The following MACROD2 variants were observed in gnomAD, a reference collection of about 807,000 sequenced individuals.
The protein encoded by MACROD2 is ADP-ribose glycohydrolase MACROD2.
MACROD2 carries 36 observed loss-of-function variants against 70.4 expected under a neutral mutation model. That is an observed-to-expected ratio of 0.51 (90% confidence interval 0.39 to 0.68). The LOEUF is 0.68. Among genes scored for constraint, MACROD2 ranks in the 30% least tolerant of loss-of-function variants. The pLI is 0.00. For missense variants in MACROD2, 496 were observed against 538.4 expected, an observed-to-expected ratio of 0.92 and a Z score of 0.78; for synonymous variants, 172 against 178.8, an observed-to-expected ratio of 0.96 and a Z score of 0.30.
At chr20:15,971,822 A>G (rs1001995564) in intron 13 of MACROD2, among the ~76,000 whole-genome samples, 2 of 151,990 alleles carry the variant, frequency 1.3e-5, no homozygotes. Context: ...GCAGGGTAAA[A>G]TCTCAGAGTC....
chr20:14,847,645 A>AC (rs2073158127), intron 5 of MACROD2, among the ~76,000 whole-genome samples: 1 of 91,454 alleles, frequency 1.1e-5, no homozygotes, highest in Admixed American at 1.0e-4. Flanking sequence ...CCCCCCTTTT[A>AC]AAAAAAAATT....
intron 4 of MACROD2, among the ~76,000 whole-genome samples, chr20:14,522,112 TC>T (rs1248243196): frequency 1.3e-5 from 2 of 152,190 alleles, no homozygotes; most frequent in East Asian, 3.9e-4. Flanking sequence ...TCCGAGCAGC[TC>T]TTCTTCTGTC....
At chr20:15,072,779 A>G in intron 5 of MACROD2, among the ~76,000 whole-genome samples, 1 of 152,148 alleles carries the variant, frequency 6.6e-6, no homozygotes, top group African/African-American at 2.4e-5. Flanking sequence ...CCCTTTCCAC[A>G]TCTAAAAAAG....
At chr20:14,845,451 A>G (rs913208514) in intron 5 of MACROD2, among the ~76,000 whole-genome samples, 1 of 152,074 alleles carries the variant, frequency 6.6e-6, no homozygotes, top group East Asian at 1.9e-4. Flanking sequence ...TTTGAGGCAC[A>G]TGTTTATTCA....
chr20:15,266,930 G>A (rs548189289), intron 6 of MACROD2, among the ~76,000 whole-genome samples: 7 of 152,248 alleles, frequency 4.6e-5, no homozygotes, highest in Middle Eastern at 3.4e-3. Context: ...GCAGGGGCGC[G>A]GGGGGCATGA....
chr20:14,410,217 CTT>C (rs11469280), intron 3 of MACROD2, among the ~76,000 whole-genome samples: 59,732 of 134,626 alleles, frequency 0.44, 12,351 homozygotes, highest in African/African-American at 0.5. Flanking sequence ...GTTTGCATTT[CTT>C]TTTTTTTTTT....
intron 5 of MACROD2, among the ~76,000 whole-genome samples, chr20:14,994,631 G>A (rs1406112231): frequency 5.9e-5 from 9 of 152,062 alleles, no homozygotes. Context: ...TAGAAAAAAA[G>A]CAGAGTAGAG....
chr20:14,949,884 T>A (rs1202551887), intron 5 of MACROD2, among the ~76,000 whole-genome samples: 4 of 152,172 alleles, frequency 2.6e-5, no homozygotes, highest in Non-Finnish European at 4.4e-5. Flanking sequence ...TATTTCCACT[T>A]CATCTTTGTT....
intron 6 of MACROD2, among the ~76,000 whole-genome samples, chr20:15,419,999 T>C (rs916961267): frequency 1.3e-5 from 2 of 152,220 alleles, no homozygotes; most frequent in Non-Finnish European, 2.9e-5. Context: ...AAAGGGAGTT[T>C]ATAGATGTAA....
intron 5 of MACROD2, among the ~76,000 whole-genome samples, chr20:15,084,077 T>TGTTTTTTTG (rs2075727932): frequency 6.9e-6 from 1 of 145,790 alleles, no homozygotes; most frequent in Admixed American, 6.8e-5. Flanking sequence ...TTTTTGTTTT[T>TGTTTTTTTG]TTTTTTTAAT....
rs1979663792 is a variant in MACROD2 at position 14,564,754 on chromosome 20, G to A, written c.301+71246G>A. Reference sequence around the variant, plus strand: ...CACTGTCGGTGGGAAGGTAAATTGTGCAACCTCTTTAGAAAACTGTGGAGA... The same window carrying A: ...CACTGTCGGTGGGAAGGTAAATTGTACAACCTCTTTAGAAAACTGTGGAGA... On this transcript the variant is annotated intron_variant, in intron 4 of 17. Coordinates refer to ENST00000684519, the MANE Select transcript of MACROD2 (RefSeq NM_001351661.2). Among the ~76,000 whole-genome samples the A allele has an allele frequency of 2.6e-5, 4 of 151,794 alleles. No homozygotes were observed. In the South Asian group the frequency reaches 6.2e-4, roughly 24 times the overall value.
chr20:14,008,602 G>T (rs2263681), intron 2 of MACROD2, among the ~76,000 whole-genome samples: 37,126 of 152,032 alleles, frequency 0.24, 5,706 homozygotes, highest in African/African-American at 0.44. Flanking sequence ...ATTCTTCACA[G>T]AATTAGAAAA....
chr20:15,177,554 G>C (rs1320360633), intron 5 of MACROD2, among the ~76,000 whole-genome samples: 1 of 152,112 alleles, frequency 6.6e-6, no homozygotes, highest in East Asian at 1.9e-4. Flanking sequence ...ATTTTCAGTG[G>C]TATCCTGACA....
chr20:14,611,533 A>T (rs1007416216), intron 4 of MACROD2, among the ~76,000 whole-genome samples: 1 of 150,530 alleles, frequency 6.6e-6, no homozygotes, highest in Non-Finnish European at 1.5e-5. Flanking sequence ...TAAAATACAT[A>T]ATTCAAAACA....
chr20:14,592,168 A>T (rs1010782606), intron 4 of MACROD2, among the ~76,000 whole-genome samples: 1 of 152,228 alleles, frequency 6.6e-6, no homozygotes, highest in Non-Finnish European at 1.5e-5. Flanking sequence ...AAACTAAAAA[A>T]ATATATACAC....
At chr20:15,547,877 A>C (rs141270470) in intron 8 of MACROD2, among the ~76,000 whole-genome samples, 1 of 152,318 alleles carries the variant, frequency 6.6e-6, no homozygotes, top group African/African-American at 2.4e-5. Flanking sequence ...TCTTCATCTC[A>C]GAACAGCCTC....
intron 8 of MACROD2, among the ~76,000 whole-genome samples, chr20:15,745,310 A>C (rs1016900408): frequency 6.6e-6 from 1 of 152,166 alleles, no homozygotes; most frequent in Non-Finnish European, 1.5e-5. Flanking sequence ...AGACTTCTAC[A>C]TTTTGGCAAC....
At chr20:14,145,196 G>A (rs1219657791) in intron 3 of MACROD2, among the ~76,000 whole-genome samples, 1 of 152,114 alleles carries the variant, frequency 6.6e-6, no homozygotes, top group Admixed American at 6.5e-5. Flanking sequence ...TAAGACAAAG[G>A]TGAATAGATT....
intron 5 of MACROD2, among the ~76,000 whole-genome samples, chr20:15,050,344 T>C (rs2075429295): frequency 6.6e-6 from 1 of 152,200 alleles, no homozygotes; most frequent in African/African-American, 2.4e-5. Context: ...TAAAGAATTT[T>C]GAAAAGCACA....
Sources: gnomAD v4.1 joint callset for allele counts (sites outside exome capture counted in the v4.1 genomes callset) on GRCh38, gnomAD v4.1.1 for gene constraint, MANE v1.5 for transcripts, NCBI Gene and HGNC (gene_info 2026-07-23, HGNC 2026-07-21) for gene names.